GCC1: variants seen among roughly 807,000 people sequenced by gnomAD.
GCC1 encodes the protein GRIP and coiled-coil domain-containing protein 1.
GCC1 carries 36 observed loss-of-function variants against 62.5 expected under a neutral mutation model. The ratio of observed to expected loss-of-function variants is 0.58; its 90% confidence interval spans 0.44 to 0.76. GCC1 has a LOEUF of 0.76. Among genes scored for constraint, GCC1 ranks in the 30% least tolerant of loss-of-function variants. The pLI is 0.00. For missense variants in GCC1, 885 were observed against 948.3 expected (o/e 0.93, Z 0.88); for synonymous variants, 391 against 386.8 (o/e 1.01, Z -0.13).
In GCC1 at chr7:127,584,372, T is replaced by A. The variant is rs941654166; in HGVS notation, c.811A>T (p.Thr271Ser). The part of the protein sequence containing the change: ...RQDLELRLEE[T>S]REALAGRAYA... ...GCTCGTCCTGCCAAGGCTTCTCGGGTCTCTTCTAACCTAAGCTCCAAGTCC... is the reference window on the plus strand; with the variant it reads ...GCTCGTCCTGCCAAGGCTTCTCGGGACTCTTCTAACCTAAGCTCCAAGTCC... The change falls in exon 1 of 2, where the codon ACC becomes TCC. Residue 271 changes from threonine to serine, a missense_variant. Physicochemically the swap from Thr to Ser is moderately conservative, Grantham distance 58. Coordinates refer to ENST00000321407, the MANE Select transcript of GCC1 (RefSeq NM_024523.6). 9 of 1,613,800 alleles carry A rather than the reference T, an allele frequency of 5.6e-6. No homozygotes were observed. The highest frequency in any genetic ancestry group is 7.6e-6 in the Non-Finnish European group (9 of 1,179,976).
rs1348140237 is a variant in GCC1 at position 127,585,346 on chromosome 7, G to A, written c.-164C>T. On this transcript the variant is annotated 5_prime_UTR_variant, in exon 1 of 2. Coordinates refer to ENST00000321407, the MANE Select transcript of GCC1 (RefSeq NM_024523.6). Reference sequence around the variant, plus strand: ...GGACCTAATGCGGAACGGCCGGACGGACTGGCGAAAGCGGCCGCCCGGTCC... The same window carrying A: ...GGACCTAATGCGGAACGGCCGGACGAACTGGCGAAAGCGGCCGCCCGGTCC... The A allele has an allele frequency of 4.2e-6, 3 of 716,166 alleles. No homozygotes were observed. The highest frequency in any genetic ancestry group is 3.6e-5 in the African/African-American group (2 of 55,876). 44.4% of individuals were successfully genotyped at this position (716,166 alleles called of 1,614,324 possible). A position where few individuals can be genotyped will look rare whatever the true frequency, so the allele number is the denominator to read the frequency against.
Position 127,582,697 on chromosome 7 carries a change from C to T in GCC1, c.1645G>A (p.Ala549Thr). Residue 549 changes from alanine to threonine, a missense_variant, in exon 2 of 2, where the codon GCT (alanine) becomes ACT (threonine). Transcript: ENST00000321407. The surrounding 1 kb of genome is among the most constrained non-coding windows in gnomAD (Gnocchi z 4.8). ...GCCAGCTCCTGCTTCCAGTCATCAG[C>T]CTCCTGCTGGTGTTGGTGCTCCAGC... Reference protein sequence around the residue: ...EELEHQHQQEADDWKQELARL... With the variant: ...EELEHQHQQETDDWKQELARL... 2 of 1,614,032 alleles carry T rather than the reference C, an allele frequency of 1.2e-6. No individual in the cohort carries two copies. Among genetic ancestry groups the T allele is most frequent in the Non-Finnish European group, 1.7e-6 (2 of 1,180,048 alleles).
chr7:127,582,196 C>T lies in GCC1; in HGVS notation c.2146G>A (p.Glu716Lys). Reference sequence around the variant, plus strand: ...TTGAGGTACTCCAGATTGGCTCCCTCCCTGCTCTGGTCCCTGATGTTCTTT... The same window carrying T: ...TTGAGGTACTCCAGATTGGCTCCCTTCCTGCTCTGGTCCCTGATGTTCTTT... ...IEKNIRDQSR[E>K]GANLEYLKNI... The change falls in exon 2 of 2, where the codon GAG becomes AAG. Residue 716 changes from glutamate (E) to lysine (K), a missense_variant. Transcript: ENST00000321407. This position sits in a 1 kb window ranked among gnomAD's most constrained non-coding sequence, Gnocchi z 4.8. The T allele has an allele frequency of 5.0e-6, 8 of 1,614,222 alleles. No individual in the cohort carries two copies. The highest frequency in any genetic ancestry group is 6.8e-6 in the Non-Finnish European group (8 of 1,180,036).
chr7:127,584,393 A>G lies in GCC1; in HGVS notation c.790T>C (p.Leu264=), dbSNP rs370173946. The part of the protein sequence containing the change: ...LQEERTQRQD[L]ELRLEETREA... Reference sequence around the variant, plus strand: ...CGGGTCTCTTCTAACCTAAGCTCCAAGTCCTGGCGCTGGGTCCTCTCCTCC... The same window carrying G: ...CGGGTCTCTTCTAACCTAAGCTCCAGGTCCTGGCGCTGGGTCCTCTCCTCC... The change falls in exon 1 of 2, where the codon TTG becomes CTG. Residue 264 remains leucine (L), a synonymous_variant. Transcript: ENST00000321407. 5.6e-6 allele frequency: 9 copies of G among 1,613,734 alleles called. No homozygotes were observed. The highest frequency in any genetic ancestry group is 1.3e-5 in the African/African-American group (1 of 74,806).
intron 1 of GCC1, 94 bp from the exon 2 acceptor site, chr7:127,583,403 T>G: frequency 3.5e-5 from 33 of 949,594 alleles, no homozygotes; most frequent in Non-Finnish European, 4.7e-5. Flanking sequence ...GTCACAGGTT[T>G]GGGATGGCCT....
Position 127,584,167 on chromosome 7 carries a change from T to A in GCC1, c.1016A>T (p.Gln339Leu), listed in dbSNP as rs777160289. ...RLKSHFQAQL[Q>L]QEMRKTALAE... ...GATAATTACCTTTCTCATTTCCTGC[T>A]GTAACTGAGCCTGGAAATGGCTCTT... The change falls in exon 1 of 2, where the codon CAG (glutamine) becomes CTG (leucine). Residue 339 changes from glutamine (Q) to leucine (L), a missense_variant. Gln to Leu is a moderately radical substitution (Grantham distance 113, BLOSUM62 -2). Coordinates refer to ENST00000321407, the MANE Select transcript of GCC1 (RefSeq NM_024523.6). The A allele has an allele frequency of 1.2e-6, 2 of 1,613,870 alleles. No homozygotes were observed. Among genetic ancestry groups the A allele is most frequent in the Non-Finnish European group, 1.7e-6 (2 of 1,179,812 alleles).
chr7:127,582,215 GT>G lies in GCC1; in HGVS notation c.2126del (p.Asn709ThrfsTer23). ...VAALQSHIEK[N>X]IRDQSREGAN... is the part of the protein sequence containing the mutation. The stretch of plus-strand genomic sequence containing the variant: ...CTCCCTCCCTGCTCTGGTCCCTGAT[GT>G]TCTTTTCGATGTGGCTCTGCAGGGC... On this transcript the variant is annotated frameshift_variant, in exon 2 of 2. Transcript: ENST00000321407. LOFTEE classifies it high-confidence loss of function. This position sits in a 1 kb window ranked among gnomAD's most constrained non-coding sequence, Gnocchi z 4.8. 6.2e-7 allele frequency: 1 copy of G among 1,614,178 alleles called. No homozygotes were observed. The highest frequency in any genetic ancestry group is 1.1e-5 in the South Asian group (1 of 91,080).
rs1562951500 is a variant in GCC1 at position 127,582,051 on chromosome 7, G to C, written c.2291C>G (p.Pro764Arg). The C allele has an allele frequency of 1.2e-6, 2 of 1,613,904 alleles. No individual in the cohort carries two copies. Among genetic ancestry groups the C allele is most frequent in the Non-Finnish European group, 1.7e-6 (2 of 1,179,872 alleles). ...PEEKQVIMRL[P>R]TSASWWPSGK... Reference sequence around the variant, plus strand: ...AGAAGGCCACCAGCTGGCACTGGTTGGGAGTCGCATTATCACTTGTTTCTC... The same window carrying C: ...AGAAGGCCACCAGCTGGCACTGGTTCGGAGTCGCATTATCACTTGTTTCTC... The change falls in exon 2 of 2, where the codon CCA becomes CGA. Residue 764 changes from proline (P) to arginine (R), a missense_variant. By Grantham distance (103) the Pro-to-Arg change is moderately radical (BLOSUM62 -2). Transcript: ENST00000321407. This position sits in a 1 kb window ranked among gnomAD's most constrained non-coding sequence, Gnocchi z 4.8.
rs757271302 is a variant in GCC1, at chr7:127,584,717, T to G, written c.466A>C (p.Lys156Gln). 1.2e-6 allele frequency: 2 copies of G among 1,614,192 alleles called. No homozygotes were observed. Among genetic ancestry groups the G allele is most frequent in the South Asian group, 2.2e-5 (2 of 91,076 alleles). Residue 156 changes from lysine to glutamine, a missense_variant, in exon 1 of 2, where the codon AAA becomes CAA. Coordinates refer to ENST00000321407, the MANE Select transcript of GCC1 (RefSeq NM_024523.6). The stretch of plus-strand genomic sequence containing the variant: ...TGAGTCTTCAGCTGGTGCAGTCTTT[T>G]GTCCACCTCCCCACCTGCAAATGGC... ...DGPFAGGEVD[K>Q]RLHQLKTQLA...
chr7:127,584,748 C>T lies in GCC1; in HGVS notation c.435G>A (p.Gly145=). Residue 145 remains glycine, a synonymous_variant, in exon 1 of 2, where the codon GGG becomes GGA. Transcript: ENST00000321407. ...CCTCCCCACCTGCAAATGGCCCATC[C>T]CCACTGCTACTGCTAACGCCACTCT... ...WSESGVSSSS[G]DGPFAGGEVD... 6.2e-7 allele frequency: 1 copy of T among 1,614,206 alleles called. No homozygotes were observed. The highest frequency in any genetic ancestry group is 1.3e-5 in the African/African-American group (1 of 75,052).
In GCC1 at chr7:127,584,252, C is replaced by T; in HGVS notation, c.931G>A (p.Asp311Asn). The T allele has an allele frequency of 6.2e-7, 1 of 1,613,834 alleles. No homozygotes were observed. Among genetic ancestry groups the T allele is most frequent in the Non-Finnish European group, 8.5e-7 (1 of 1,179,992 alleles). Residue 311 changes from aspartate (D) to asparagine (N), a missense_variant, in exon 1 of 2, where the codon GAT (aspartate) becomes AAT (asparagine). Transcript: ENST00000321407. ...ELKSELQAIR[D>N]EKNQPDPRLQ... is the part of the protein sequence containing the mutation. ...CGGGGATCTGGCTGATTCTTCTCAT[C>T]TCGAATGGCCTGCAGTTCACTTTTC... is the stretch of plus-strand genomic sequence containing the variant.
Position 127,582,710 on chromosome 7 carries a change from T to C in GCC1, c.1632A>G (p.Gln544=), listed in dbSNP as rs747917255. 2 of 1,614,078 alleles carry C rather than the reference T, an allele frequency of 1.2e-6. No individual in the cohort carries two copies. Among genetic ancestry groups the C allele is most frequent in the Non-Finnish European group, 1.7e-6 (2 of 1,180,028 alleles). ...LRLSCEELEH[Q]HQQEADDWKQ... is the part of the protein sequence containing the mutation. The stretch of plus-strand genomic sequence containing the variant: ...TCCAGTCATCAGCCTCCTGCTGGTG[T>C]TGGTGCTCCAGCTCCTCGCAGGAGA... Residue 544 remains glutamine (Q), a synonymous_variant, in exon 2 of 2, where the codon CAA becomes CAG. Coordinates refer to ENST00000321407, the MANE Select transcript of GCC1 (RefSeq NM_024523.6). This position sits in a 1 kb window ranked among gnomAD's most constrained non-coding sequence, Gnocchi z 4.8.
In GCC1 at chr7:127,584,742, C is replaced by T. The variant is rs1247266270; in HGVS notation, c.441G>A (p.Gly147=). ...ESGVSSSSGD[G]PFAGGEVDKR... ...TGTCCACCTCCCCACCTGCAAATGGCCCATCCCCACTGCTACTGCTAACGC... is the reference window on the plus strand; with the variant it reads ...TGTCCACCTCCCCACCTGCAAATGGTCCATCCCCACTGCTACTGCTAACGC... Residue 147 remains glycine, a synonymous_variant, in exon 1 of 2, where the codon GGG becomes GGA. Transcript: ENST00000321407. The T allele has an allele frequency of 6.2e-7, 1 of 1,614,160 alleles. No individual in the cohort carries two copies. The highest frequency in any genetic ancestry group is 8.5e-7 in the Non-Finnish European group (1 of 1,180,042).
chr7:127,584,514 T>C lies in GCC1; in HGVS notation c.669A>G (p.Ala223=), dbSNP rs1030936147. 3 of 1,614,132 alleles carry C rather than the reference T, an allele frequency of 1.9e-6. No individual in the cohort carries two copies. The highest frequency in any genetic ancestry group is 2.5e-6 in the Non-Finnish European group (3 of 1,180,024). ...GCGTGATAAGCCGGGCTTTGGTTTC[T>C]GCTATTTGCTCCTGCAGCCCCTTCA... ...GELKGLQEQI[A]ETKARLITQQ... Residue 223 remains alanine, a synonymous_variant, in exon 1 of 2, where the codon GCA becomes GCG. Coordinates refer to ENST00000321407, the MANE Select transcript of GCC1 (RefSeq NM_024523.6).
Position 127,584,891 on chromosome 7 carries a change from C to G in GCC1, c.292G>C (p.Ala98Pro). ...CTGGCCGCAGTATCCAAGCTAGTGG[C>G]GGTCCCAGTGCTATCCTCGCTGTGA... is the stretch of plus-strand genomic sequence containing the variant. The part of the protein sequence containing the change: ...STHSEDSTGT[A>P]TSLDTAASLT... The change falls in exon 1 of 2, where the codon GCC becomes CCC. Residue 98 changes from alanine (A) to proline (P), a missense_variant. Transcript: ENST00000321407. 1 of 1,614,186 alleles carries G rather than the reference C, an allele frequency of 6.2e-7. No homozygotes were observed. The highest frequency in any genetic ancestry group is 8.5e-7 in the Non-Finnish European group (1 of 1,180,044).
chr7:127,580,902 A>G lies in GCC1; in HGVS notation c.*1112T>C, dbSNP rs941514071. 1 of 152,242 alleles carries G rather than the reference A, an allele frequency of 6.6e-6. No homozygotes were observed. Among genetic ancestry groups the G allele is most frequent in the African/African-American group, 2.4e-5 (1 of 41,464 alleles). 9.4% of individuals were successfully genotyped at this position (152,242 alleles called of 1,614,324 possible). On this transcript the variant is annotated 3_prime_UTR_variant, in exon 2 of 2. Coordinates refer to ENST00000321407, the MANE Select transcript of GCC1 (RefSeq NM_024523.6). ...GAGAAAAGAAGGAATAAAGAAACTG[A>G]GTTTTCTGAGAACCCCCTTTCCAGA...
Position 127,582,458 on chromosome 7 carries a change from C to A in GCC1, c.1884G>T (p.Gly628=), listed in dbSNP as rs1255884650. ...RRSPVGGGGP[G]DPADTSSSDS... is the part of the protein sequence containing the mutation. The stretch of plus-strand genomic sequence containing the variant: ...CAGAGGATGATGTGTCAGCTGGGTC[C>A]CCAGGACCGCCACCACCCACAGGAC... Residue 628 remains glycine, a synonymous_variant, in exon 2 of 2, where the codon GGG becomes GGT. Coordinates refer to ENST00000321407, the MANE Select transcript of GCC1 (RefSeq NM_024523.6). This position sits in a 1 kb window ranked among gnomAD's most constrained non-coding sequence, Gnocchi z 4.8. The A allele has an allele frequency of 1.2e-6, 2 of 1,614,016 alleles. No individual in the cohort carries two copies. The highest frequency in any genetic ancestry group is 1.7e-6 in the Non-Finnish European group (2 of 1,180,034).
chr7:127,583,537 T>C (rs181157980), intron 1 of GCC1, among the ~76,000 whole-genome samples: 5 of 152,338 alleles, frequency 3.3e-5, no homozygotes, highest in Admixed American at 2.6e-4. Context: ...GTACATCTGC[T>C]ATTGTTCTGC....
intron 1 of GCC1, 96 bp downstream of exon 1, chr7:127,584,055 T>C (rs1794169347): frequency 4.6e-6 from 5 of 1,089,364 alleles, no homozygotes; most frequent in South Asian, 1.5e-5. Flanking sequence ...AATGACAGTA[T>C]AGACACTTAG....
Sources: gnomAD v4.1 joint callset for allele counts (sites outside exome capture counted in the v4.1 genomes callset) on GRCh38, gnomAD v4.1.1 for gene constraint, Gnocchi (gnomAD v3.1) non-coding constraint, MANE v1.5 for transcripts, NCBI Gene and HGNC (gene_info 2026-07-23, HGNC 2026-07-21) for gene names.